Variants in MYO10 observed in about 807,000 individuals in gnomAD.
MYO10 encodes unconventional myosin-X.
In MYO10, 133 loss-of-function variants were observed where a neutral mutation model predicts 257.3. The ratio of observed to expected loss-of-function variants is 0.52; its 90% CI spans 0.45 to 0.60. MYO10 has a LOEUF of 0.60. Ranked by LOEUF, MYO10 falls within the 20% of genes least tolerant of loss-of-function variation. The pLI is 0.00. For synonymous variants in MYO10, 1,104 were observed against 1,028.6 expected (o/e 1.07, Z -1.40); for missense variants, 2,399 against 2,635.7 (o/e 0.91, Z 1.97).
At chr5:16,836,369 C>T (rs1743313003) in intron 2 of MYO10, among the ~76,000 whole-genome samples, 1 of 152,174 alleles carries the variant, frequency 6.6e-6, no homozygotes, top group Non-Finnish European at 1.5e-5. Flanking sequence ...AAAAATTTAA[C>T]CCCTATTCCT....
chr5:16,811,817 C>G (rs538461484), intron 3 of MYO10, among the ~76,000 whole-genome samples: 1 of 152,290 alleles, frequency 6.6e-6, no homozygotes, highest in East Asian at 1.9e-4. Flanking sequence ...TCCCAAAGAG[C>G]TGGGATTACA....
chr5:16,674,428 C>T (rs978699222), intron 35 of MYO10, among the ~76,000 whole-genome samples: 1 of 152,160 alleles, frequency 6.6e-6, no homozygotes, highest in Non-Finnish European at 1.5e-5. Flanking sequence ...GAGATCATGC[C>T]ATTGCACTCT....
chr5:16,920,735 G>GAT (rs745541401), intron 1 of MYO10, among the ~76,000 whole-genome samples: 34 of 152,350 alleles, frequency 2.2e-4, no homozygotes, highest in South Asian at 6.2e-4. Flanking sequence ...TGTTATGTAA[G>GAT]ATGCCACCAC....
rs1448707882 is a variant in MYO10, at chr5:16,699,501, C to A, written c.3505G>T (p.Val1169Leu). ...DDELSYRRDS[V>L]YSCVTLPYFH... ...TACGGCAGAGTGACACAGCTGTACA[C>A]AGAGTCACGCCGGTATGAAAGCTCA... is the stretch of plus-strand genomic sequence containing the variant. The change falls in exon 26 of 41, where the codon GTG becomes TTG. Residue 1169 changes from valine (V) to leucine (L), a missense_variant. By Grantham distance (32) the Val-to-Leu change is conservative (BLOSUM62 1). This residue lies in a region of MYO10 where 1,820 missense variants were observed against 1,939.4 expected (regional missense o/e 0.94). Transcript: ENST00000513610. 6.2e-7 allele frequency: 1 copy of A among 1,613,798 alleles called. No individual in the cohort carries two copies. Among genetic ancestry groups the A allele is most frequent in the Non-Finnish European group, 8.5e-7 (1 of 1,179,846 alleles).
intron 2 of MYO10, among the ~76,000 whole-genome samples, chr5:16,867,576 T>C (rs1185449923): frequency 1.3e-5 from 2 of 152,172 alleles, no homozygotes; most frequent in Non-Finnish European, 2.9e-5. Context: ...ACTCACCTCT[T>C]ACCAAGTTTC....
intron 2 of MYO10, among the ~76,000 whole-genome samples, chr5:16,864,235 A>AGCATG (rs1448177492): frequency 8.6e-5 from 13 of 151,784 alleles, no homozygotes; most frequent in Admixed American, 6.6e-4. Flanking sequence ...GTCTTAATGA[A>AGCATG]GCATGCGCCA....
intron 19 of MYO10, among the ~76,000 whole-genome samples, chr5:16,736,433 G>A (rs750621799): frequency 7.2e-5 from 11 of 152,146 alleles, no homozygotes; most frequent in Non-Finnish European, 1.2e-4. Context: ...CTGAGAGAGG[G>A]TCAGTTCCAC....
At position 16,935,949 on chromosome 5, in the gene MYO10, C is replaced by T; in HGVS notation, c.-141G>A. ...GCGGGGCTCCCCTGCTGCCATCGCC[C>T]GGTCCCTTCTTGTCCTTCTCACCTT... On this transcript the variant is annotated 5_prime_UTR_variant, in exon 1 of 41. Transcript: ENST00000513610. 4 of 1,004,604 alleles carry T rather than the reference C, an allele frequency of 4.0e-6. No individual in the cohort carries two copies. The highest frequency in any genetic ancestry group is 6.0e-6 in the Non-Finnish European group (4 of 665,154). The allele number at this position is 1,004,604 out of a possible 1,614,324, so 62.2% of individuals were successfully genotyped here. A position where few individuals can be genotyped will look rare whatever the true frequency, so the allele number is the denominator to read the frequency against.
At chr5:16,704,722 C>T (rs1330017467) in intron 21 of MYO10, 37 bp from the exon 22 acceptor site, 9 of 1,535,350 alleles carry the variant, frequency 5.9e-6, no homozygotes, top group Non-Finnish European at 8.1e-6. Context: ...AAGCAAAGAA[C>T]ATGGCCAGCA....
chr5:16,682,402 C>T (rs1413528746), intron 30 of MYO10, among the ~76,000 whole-genome samples: 1 of 152,098 alleles, frequency 6.6e-6, no homozygotes, highest in East Asian at 1.9e-4. Flanking sequence ...AAATGTCAGA[C>T]ACCAGCAATA....
intron 3 of MYO10, chr5:16,814,425 G>A (rs971396759): frequency 6.6e-6 from 1 of 152,250 alleles, no homozygotes; most frequent in Non-Finnish European, 1.5e-5. Flanking sequence ...TGGGATTACA[G>A]GCGTGAGCCA....
intron 6 of MYO10, among the ~76,000 whole-genome samples, chr5:16,781,079 A>ATTT (rs36090678): frequency 8.6e-4 from 125 of 145,472 alleles, no homozygotes; most frequent in African/African-American, 3.0e-3. Flanking sequence ...ATTTCACAGA[A>ATTT]TTTTTTTTTT....
At chr5:16,682,661 T>C (rs2401987) in intron 30 of MYO10, among the ~76,000 whole-genome samples, 42,050 of 152,052 alleles carry the variant, frequency 0.28, 5,944 homozygotes, top group South Asian at 0.36. Flanking sequence ...AGCTAGAGAA[T>C]GTGAACTCTT....
At chr5:16,757,205 A>G (rs1224313756) in intron 18 of MYO10, among the ~76,000 whole-genome samples, 1 of 149,260 alleles carries the variant, frequency 6.7e-6, no homozygotes, top group African/African-American at 2.5e-5. Context: ...GGGGAGAATC[A>G]CTTGCGCCTG....
chr5:16,742,004 C>G, intron 19 of MYO10: 1 of 985,368 alleles, frequency 1.0e-6, no homozygotes, highest in Non-Finnish European at 1.2e-6. Flanking sequence ...TCCAGCCTGG[C>G]GAGGCTGACG....
Position 16,673,833 on chromosome 5 carries a change from T to C in MYO10, c.5021A>G (p.Glu1674Gly), listed in dbSNP as rs750661660. ...TCGGCATTTGGTTTTCTTAAGAGAT[T>C]CGTAAGTGAAGAGAGCGTATTTTTC... ...EMEKYALFTYESLKKTKCREF... is the reference protein window; with the variant it reads ...EMEKYALFTYGSLKKTKCREF... Residue 1674 changes from glutamate (E) to glycine (G), a missense_variant, in exon 36 of 41, where the codon GAA becomes GGA. By Grantham distance (98) the Glu-to-Gly change is moderately conservative. Transcript: ENST00000513610. 6.2e-7 allele frequency: 1 copy of C among 1,613,998 alleles called. No homozygotes were observed. The highest frequency in any genetic ancestry group is 2.2e-5 in the East Asian group (1 of 44,872).
chr5:16,815,387 A>G, intron 3 of MYO10: 1 of 688,434 alleles, frequency 1.5e-6, no homozygotes, highest in South Asian at 1.6e-5. Context: ...GCAACACATC[A>G]GCATGCAAAA....
intron 9 of MYO10, among the ~76,000 whole-genome samples, 162 bp from the exon 10 acceptor site, chr5:16,769,365 C>T (rs1005047122): frequency 2.6e-5 from 4 of 152,164 alleles, no homozygotes; most frequent in Non-Finnish European, 5.9e-5. Flanking sequence ...GAGACAGTCT[C>T]GTTCTGTCAC....
At chr5:16,889,702 A>G (rs921179877) in intron 1 of MYO10, among the ~76,000 whole-genome samples, 1 of 151,786 alleles carries the variant, frequency 6.6e-6, no homozygotes. Flanking sequence ...TTTAAAGCAC[A>G]CAAAACAAAA....
Sources: gnomAD v4.1 joint callset for allele counts (sites outside exome capture counted in the v4.1 genomes callset) on GRCh38, gnomAD v4.1.1 for gene constraint, gnomAD v4.1.1 regional missense constraint, MANE v1.5 for transcripts, NCBI Gene and HGNC (gene_info 2026-07-23, HGNC 2026-07-21) for gene names.